The following CFTR variants were observed in gnomAD, a reference collection of about 807,000 sequenced individuals.
The protein encoded by CFTR is CF transmembrane conductance regulator.
A neutral mutation model predicts 171.6 loss-of-function variants in CFTR; 181 were observed. That is an observed-to-expected ratio of 1.05 (90% confidence interval 0.93 to 1.19). CFTR has a LOEUF of 1.19. Ranked by LOEUF, CFTR falls within the 50% of genes most tolerant of loss-of-function variation. CFTR has a pLI of 0.00. For synonymous variants in CFTR, 583 were observed against 608.0 expected, an observed-to-expected ratio of 0.96 and a Z score of 0.60; for missense variants, 1,968 against 1,734.7, an observed-to-expected ratio of 1.13 and a Z score of -2.39.
intron 12 of CFTR, 66 bp downstream of exon 12, chr7:117,587,899 G>C: frequency 1.0e-6 from 1 of 992,350 alleles, no homozygotes; most frequent in Non-Finnish European, 1.6e-6. Context: ...AAAAATTACA[G>C]ACATTTCTCT....
intron 11 of CFTR, among the ~76,000 whole-genome samples, chr7:117,569,343 T>C (rs1242361196): frequency 6.6e-6 from 1 of 152,112 alleles, no homozygotes; most frequent in Non-Finnish European, 1.5e-5. Flanking sequence ...TACGCAATGC[T>C]CAATAATGGT....
intron 2 of CFTR, among the ~76,000 whole-genome samples, chr7:117,506,504 C>A: frequency 6.6e-6 from 1 of 152,028 alleles, no homozygotes; most frequent in Non-Finnish European, 1.5e-5. Flanking sequence ...CCTTGGCCTC[C>A]CAAAATGCTG....
intron 10 of CFTR, among the ~76,000 whole-genome samples, chr7:117,551,067 TCTTCTA>T (rs1398702488): frequency 2.6e-5 from 4 of 152,252 alleles, no homozygotes; most frequent in African/African-American, 9.6e-5. Flanking sequence ...ACCTAATAGT[TCTTCTA>T]CTTCTATAAC....
chr7:117,610,493 C>T (rs369027267), intron 18 of CFTR, 26 bp from the exon 19 acceptor site: 15 of 1,606,136 alleles, frequency 9.3e-6, no homozygotes, highest in Non-Finnish European at 1.3e-5. Context: ...TGTTTACTCA[C>T]CAACATGTTT....
chr7:117,480,192 A>G lies in CFTR; in HGVS notation c.53+45A>G, dbSNP rs372316624. 231 of 1,584,818 alleles carry G rather than the reference A, an allele frequency of 1.5e-4. 2 individuals carry two copies. In the South Asian group the frequency reaches 1.9e-3, roughly 13 times the overall value. ...AGCTTCGGAAAGACACGTGCCCACG[A>G]AAGAGGAGGGCGTGTGTATGGGTTG... On this transcript the variant is annotated intron_variant, in intron 1 of 26. Coordinates refer to ENST00000003084, the MANE Select transcript of CFTR (RefSeq NM_000492.4).
chr7:117,638,720 G>A (rs1409680710), intron 22 of CFTR, among the ~76,000 whole-genome samples: 1 of 146,218 alleles, frequency 6.8e-6, no homozygotes, highest in African/African-American at 2.6e-5. Context: ...TGGGTGACAA[G>A]AGCAAAACTC....
chr7:117,499,292 T>C (rs1199293832), intron 1 of CFTR, among the ~76,000 whole-genome samples: 2 of 152,002 alleles, frequency 1.3e-5, no homozygotes, highest in African/African-American at 2.4e-5. Flanking sequence ...TATATGACTT[T>C]AGGAGGATAT....
At chr7:117,611,909 G>A in intron 20 of CFTR, 101 bp downstream of exon 20, 2 of 737,430 alleles carry the variant, frequency 2.7e-6, no homozygotes, top group South Asian at 3.5e-5. Context: ...TATCTTTAGA[G>A]TTTAGTAATT....
At chr7:117,522,763 C>T (rs1256624918) in intron 3 of CFTR, among the ~76,000 whole-genome samples, 2 of 151,928 alleles carry the variant, frequency 1.3e-5, no homozygotes, top group African/African-American at 4.8e-5. Flanking sequence ...CCCAGTCATT[C>T]TGGGGATAAT....
In CFTR at chr7:117,480,086, C is replaced by G. The variant is rs1189053240; in HGVS notation, c.-9C>G. The G allele has an allele frequency of 1.9e-6, 3 of 1,613,712 alleles. No homozygotes were observed. The highest frequency in any genetic ancestry group is 2.7e-5 in the African/African-American group (2 of 74,834). ...CGGCCCTAGCAGGGACCCCAGCGCC[C>G]GAGAGACCATGCAGAGGTCGCCTCT... On this transcript the variant is annotated 5_prime_UTR_variant, in exon 1 of 27. Transcript: ENST00000003084.
At chr7:117,543,138 G>A (rs1330109589) in intron 9 of CFTR, among the ~76,000 whole-genome samples, 1 of 152,186 alleles carries the variant, frequency 6.6e-6, no homozygotes, top group African/African-American at 2.4e-5. Flanking sequence ...CATGGGTTGT[G>A]TAAAGGTAGG....
In CFTR at chr7:117,603,529, C is replaced by T. The variant is rs1402820914; in HGVS notation, c.2658-3C>T. 2 of 1,613,700 alleles carry T rather than the reference C, an allele frequency of 1.2e-6. No homozygotes were observed. The highest frequency in any genetic ancestry group is 1.3e-5 in the African/African-American group (1 of 74,906). ...AAATAACGATTTCCTATTTGCTTTA[C>T]AGCACTCCTCTTCAAGACAAAGGGA... is the stretch of plus-strand genomic sequence containing the variant. On this transcript the variant is annotated splice_region_variant and splice_polypyrimidine_tract_variant and intron_variant, in intron 16 of 26. Transcript: ENST00000003084.
At chr7:117,575,584 A>G (rs1230761698) in intron 11 of CFTR, among the ~76,000 whole-genome samples, 1 of 152,066 alleles carries the variant, frequency 6.6e-6, no homozygotes, top group African/African-American at 2.4e-5. Flanking sequence ...ACTAAAGCAG[A>G]TGTGTATTTG....
At chr7:117,591,725 C>A (rs1792026566) in intron 13 of CFTR, among the ~76,000 whole-genome samples, 1 of 152,006 alleles carries the variant, frequency 6.6e-6, no homozygotes, top group Admixed American at 6.6e-5. Flanking sequence ...TAACATGCAA[C>A]TTTTCAATAT....
intron 10 of CFTR, among the ~76,000 whole-genome samples, chr7:117,555,113 C>T (rs1418288534): frequency 4.6e-5 from 7 of 151,918 alleles, no homozygotes; most frequent in Admixed American, 4.6e-4. Flanking sequence ...CACAAACTGT[C>T]TAGCCTAGAA....
chr7:117,562,262 C>G (rs562953298), intron 11 of CFTR, among the ~76,000 whole-genome samples: 4 of 152,148 alleles, frequency 2.6e-5, no homozygotes, highest in South Asian at 2.1e-4. Flanking sequence ...CCCTGAGAGA[C>G]AGTTCTTATT....
chr7:117,535,872 T>G (rs1694462570), intron 6 of CFTR, among the ~76,000 whole-genome samples: 1 of 152,204 alleles, frequency 6.6e-6, no homozygotes, highest in African/African-American at 2.4e-5. Flanking sequence ...TATTACTTTC[T>G]GTATCAATGG....
chr7:117,591,142 G>A (rs1792017924), intron 13 of CFTR, among the ~76,000 whole-genome samples: 1 of 152,090 alleles, frequency 6.6e-6, no homozygotes, highest in Non-Finnish European at 1.5e-5. Flanking sequence ...GTTATTCCTA[G>A]AAGTACCTTT....
intron 9 of CFTR, among the ~76,000 whole-genome samples, chr7:117,547,040 T>C (rs1171180021): frequency 6.6e-6 from 1 of 152,178 alleles, no homozygotes; most frequent in African/African-American, 2.4e-5. Flanking sequence ...TTGAAGTAGT[T>C]TCTAACACAG....
Sources: allele counts gnomAD v4.1 joint callset (sites outside exome capture counted in the v4.1 genomes callset), GRCh38; gene constraint gnomAD v4.1.1; transcripts MANE v1.5; gene names NCBI Gene and HGNC (gene_info 2026-07-23, HGNC 2026-07-21).